NRG3: variants seen among roughly 807,000 people sequenced by gnomAD.
NRG3 encodes pro-neuregulin-3, membrane-bound isoform.
NRG3 carries 31 observed loss-of-function variants against 66.9 expected under a neutral mutation model. The observed-to-expected ratio is 0.46, with a 90% CI of 0.35 to 0.63. The LOEUF is 0.63. NRG3 is among the 20% of genes least tolerant of loss of function. The pLI, the probability that NRG3 is intolerant of heterozygous loss-of-function variation, is 0.00. For synonymous variants in NRG3, 393 were observed against 359.4 expected (o/e 1.09, Z -1.06); for missense variants, 910 against 878.9 (o/e 1.04, Z -0.45).
At chr10:82,656,574 A>G (rs1348123146) in intron 2 of NRG3, among the ~76,000 whole-genome samples, 1 of 151,804 alleles carries the variant, frequency 6.6e-6, no homozygotes, top group African/African-American at 2.4e-5. Context: ...CCAAATCTTT[A>G]GTTCTCTAGC....
chr10:82,889,875 C>A (rs1842999804), intron 4 of NRG3, among the ~76,000 whole-genome samples: 1 of 152,104 alleles, frequency 6.6e-6, no homozygotes, highest in African/African-American at 2.4e-5. Context: ...TGCTGATGAG[C>A]AGCACTCCAC....
chr10:82,204,037 G>A (rs1213043676), intron 1 of NRG3, among the ~76,000 whole-genome samples: 1 of 151,932 alleles, frequency 6.6e-6, no homozygotes, highest in Admixed American at 6.6e-5. Context: ...TTGAGAGTGG[G>A]CAGTTTTCTA....
Position 82,021,661 on chromosome 10 carries a change from CT to C in NRG3, c.823+145499del. Among the ~76,000 whole-genome samples, 2 of 152,146 alleles carry C rather than the reference CT, an allele frequency of 1.3e-5. 1 individual carries two copies. The highest frequency in any genetic ancestry group is 4.1e-4 in the South Asian group (2 of 4,826). ...TGTGGGATCCTCAAGAATTTTGCTT[CT>C]CTGATTGCCAAGCATTGAAGCAATA... On this transcript the variant is annotated intron_variant, in intron 1 of 8. Transcript: ENST00000372141.
chr10:82,257,871 G>A (rs2077815696), intron 1 of NRG3, among the ~76,000 whole-genome samples: 1 of 152,082 alleles, frequency 6.6e-6, no homozygotes. Flanking sequence ...TATTAATATG[G>A]AATGAATTGG....
intron 2 of NRG3, among the ~76,000 whole-genome samples, chr10:82,431,909 T>G (rs2089832470): frequency 6.6e-6 from 1 of 152,202 alleles, no homozygotes; most frequent in African/African-American, 2.4e-5. Context: ...GATATAAATT[T>G]ACTTACATAT....
chr10:82,564,805 C>A (rs1353849634), intron 2 of NRG3, among the ~76,000 whole-genome samples: 1 of 152,064 alleles, frequency 6.6e-6, no homozygotes, highest in Non-Finnish European at 1.5e-5. Flanking sequence ...AGATGACATT[C>A]TCTGAGTGCT....
At chr10:81,956,182 T>C (rs1849814134) in intron 1 of NRG3, among the ~76,000 whole-genome samples, 1 of 152,172 alleles carries the variant, frequency 6.6e-6, no homozygotes, top group Non-Finnish European at 1.5e-5. Context: ...GACGTGATGT[T>C]TGGTGACTTC....
rs930478517 is a variant in NRG3 at position 82,148,752 on chromosome 10, T to C, written c.824-209987T>C. Among the ~76,000 whole-genome samples, 3 of 148,150 alleles carry C rather than the reference T, an allele frequency of 2.0e-5. No individual in the cohort carries two copies. In the East Asian group the frequency reaches 6.0e-4, roughly 30 times the overall value. On this transcript the variant is annotated intron_variant, in intron 1 of 8. Coordinates refer to ENST00000372141, the MANE Select transcript of NRG3 (RefSeq NM_001010848.4). ...TGACCTAGGAAATGTCTTCTCTTCA[T>C]CCAAAGAAACCCTTACAATCCCCAA...
chr10:82,223,366 T>G (rs2133799610), intron 1 of NRG3, among the ~76,000 whole-genome samples: 1 of 152,228 alleles, frequency 6.6e-6, no homozygotes, highest in South Asian at 2.1e-4. Context: ...ACAGGCTGTC[T>G]GTTCATATAG....
At chr10:82,778,707 CT>C (rs2060002073) in intron 3 of NRG3, among the ~76,000 whole-genome samples, 1 of 152,054 alleles carries the variant, frequency 6.6e-6, no homozygotes, top group Admixed American at 6.5e-5. Flanking sequence ...GGCTTCTTGG[CT>C]GGGCAGGAGT....
At chr10:82,663,524 T>A (rs1198219761) in intron 2 of NRG3, among the ~76,000 whole-genome samples, 1 of 152,040 alleles carries the variant, frequency 6.6e-6, no homozygotes, top group Non-Finnish European at 1.5e-5. Flanking sequence ...GGAAGGAGAA[T>A]TCTAGGATCA....
chr10:82,410,079 T>C (rs952368663), intron 2 of NRG3, among the ~76,000 whole-genome samples: 2 of 152,032 alleles, frequency 1.3e-5, no homozygotes, highest in East Asian at 3.9e-4. Flanking sequence ...TGAAAGCAGT[T>C]AGTCTACCCA....
Position 81,998,895 on chromosome 10 carries a change from C to T in NRG3, c.823+122732C>T, listed in dbSNP as rs550348199. 4.6e-5 allele frequency among the ~76,000 whole-genome samples: 7 copies of T among 152,262 alleles called. No homozygotes were observed. The South Asian group carries it at 1.2e-3, about 27-fold the overall frequency. On this transcript the variant is annotated intron_variant, in intron 1 of 8. Transcript: ENST00000372141. Reference sequence around the variant, plus strand: ...GCAGTGGTTTGATCTTGGCTCACTGCAACCTTCGCCTCCCAGGTTCCACTG... The same window carrying T: ...GCAGTGGTTTGATCTTGGCTCACTGTAACCTTCGCCTCCCAGGTTCCACTG...
intron 1 of NRG3, among the ~76,000 whole-genome samples, chr10:82,269,098 G>A (rs7358115): frequency 0.1 from 15,249 of 151,940 alleles, 2,152 homozygotes; most frequent in African/African-American, 0.31. Flanking sequence ...CACTTTCTCT[G>A]AGAAATTCAA....
chr10:82,146,847 T>C (rs2070303464), intron 1 of NRG3, among the ~76,000 whole-genome samples: 1 of 151,938 alleles, frequency 6.6e-6, no homozygotes, highest in Admixed American at 6.6e-5. Context: ...ACAGGGAGGG[T>C]TGACCAAGAG....
chr10:82,023,762 G>A (rs947629550), intron 1 of NRG3, among the ~76,000 whole-genome samples: 1 of 151,930 alleles, frequency 6.6e-6, no homozygotes, highest in Non-Finnish European at 1.5e-5. Flanking sequence ...ATGGAATTTT[G>A]TTGAGGATTT....
At chr10:81,876,532 G>C (rs192289925) in intron 1 of NRG3, among the ~76,000 whole-genome samples, 1 of 152,316 alleles carries the variant, frequency 6.6e-6, no homozygotes, top group East Asian at 1.9e-4. Flanking sequence ...GCCAGGGAGG[G>C]AGAGAGGGCC....
At chr10:82,312,026 G>A (rs1443109724) in intron 1 of NRG3, among the ~76,000 whole-genome samples, 1 of 152,150 alleles carries the variant, frequency 6.6e-6, no homozygotes, top group Admixed American at 6.5e-5. Flanking sequence ...TCAAATGTGT[G>A]AAGATTCAGT....
At chr10:82,322,798 T>G (rs916571993) in intron 1 of NRG3, among the ~76,000 whole-genome samples, 11 of 152,208 alleles carry the variant, frequency 7.2e-5, no homozygotes, top group African/African-American at 2.7e-4. Flanking sequence ...TTGATTGTAT[T>G]TCTTTACTTT....
Sources: allele counts gnomAD v4.1 joint callset (sites outside exome capture counted in the v4.1 genomes callset), GRCh38; gene constraint gnomAD v4.1.1; transcripts MANE v1.5; gene names NCBI Gene and HGNC (gene_info 2026-07-23, HGNC 2026-07-21).